PARD3B: variants seen among roughly 807,000 people sequenced by gnomAD.
The protein encoded by PARD3B is par-3 family cell polarity regulator beta.
A neutral mutation model predicts 130.2 loss-of-function variants in PARD3B; 103 were observed. The ratio of observed to expected loss-of-function variants is 0.79; its 90% CI spans 0.67 to 0.93. The LOEUF (loss-of-function observed/expected upper bound fraction) is 0.93. Ranked by LOEUF, PARD3B falls within the 40% of genes least tolerant of loss-of-function variation. The probability of loss-of-function intolerance (pLI) is 0.00; values close to 1 mark genes in which losing one functional copy is unlikely to be tolerated. For synonymous variants in PARD3B, 583 were observed against 553.2 expected (o/e 1.05, Z -0.76); for missense variants, 1,609 against 1,499.2 (o/e 1.07, Z -1.21).
intron 10 of PARD3B, among the ~76,000 whole-genome samples, chr2:205,149,568 A>G (rs2033604361): frequency 6.6e-6 from 1 of 152,226 alleles, no homozygotes; most frequent in African/African-American, 2.4e-5. Context: ...CTAAGTGTTC[A>G]GTCATGAACC....
At position 205,121,755 on chromosome 2, in the gene PARD3B, G is replaced by T. The variant is rs537626300; in HGVS notation, c.971G>T (p.Gly324Val). Residue 324 changes from glycine (G) to valine (V), a missense_variant, in exon 8 of 23, where the codon GGA becomes GTA. Physicochemically the swap from Gly to Val is moderately radical, Grantham distance 109. Coordinates refer to ENST00000406610, the MANE Select transcript of PARD3B (RefSeq NM_001302769.2). This position sits in a 1 kb window ranked among gnomAD's most constrained non-coding sequence, Gnocchi z 5.0. ...LKTKVPPPVH[G>V]KSGLKTANLT... ...ACCAAAGTGCCGCCTCCTGTCCATG[G>T]AAAATCGGGACTAAAGACAGCAAAT... 1 of 1,614,068 alleles carries T rather than the reference G, an allele frequency of 6.2e-7. No homozygotes were observed. The highest frequency in any genetic ancestry group is 2.2e-5 in the East Asian group (1 of 44,868).
chr2:205,085,153 A>T (rs893591264), intron 4 of PARD3B, among the ~76,000 whole-genome samples: 2 of 152,002 alleles, frequency 1.3e-5, no homozygotes, highest in Admixed American at 1.3e-4. Context: ...GGAATTTATT[A>T]TATCTTTCTC....
In PARD3B at chr2:204,664,082, C is replaced by T. The variant is rs1001588831; in HGVS notation, c.121-22099C>T. 4.6e-5 allele frequency among the ~76,000 whole-genome samples: 7 copies of T among 152,042 alleles called. No homozygotes were observed. The highest frequency in any genetic ancestry group is 8.8e-5 in the Non-Finnish European group (6 of 68,022). On this transcript the variant is annotated intron_variant, in intron 1 of 22. Transcript: ENST00000406610. The surrounding 1 kb of genome is among the most constrained non-coding windows in gnomAD (Gnocchi z 5.2). ...GGTGGGATTTTTATTTGATTTATGACCTGAGGCTAATACTGTGGCTTGGAT... is the reference window on the plus strand; with the variant it reads ...GGTGGGATTTTTATTTGATTTATGATCTGAGGCTAATACTGTGGCTTGGAT...
intron 3 of PARD3B, among the ~76,000 whole-genome samples, chr2:205,014,641 G>A (rs974630511): frequency 6.6e-6 from 1 of 152,134 alleles, no homozygotes; most frequent in Admixed American, 6.6e-5. Context: ...AGTATTTATT[G>A]AGCATCTCTT....
At chr2:204,786,153 G>A (rs924732386) in intron 2 of PARD3B, among the ~76,000 whole-genome samples, 16 of 149,388 alleles carry the variant, frequency 1.1e-4, no homozygotes, top group African/African-American at 1.2e-4. Flanking sequence ...TGAAACCAAC[G>A]AATCGCTATT....
chr2:205,025,421 C>T (rs987947368), intron 3 of PARD3B, among the ~76,000 whole-genome samples: 8 of 152,150 alleles, frequency 5.3e-5, no homozygotes, highest in African/African-American at 1.9e-4. Flanking sequence ...CTGAATGGCT[C>T]ACCACTAACA....
intron 20 of PARD3B, among the ~76,000 whole-genome samples, chr2:205,466,084 G>A (rs2048611696): frequency 6.6e-6 from 1 of 152,176 alleles, no homozygotes; most frequent in South Asian, 2.1e-4. Flanking sequence ...TTTGATGCCA[G>A]GGGTCTGGGA....
At chr2:205,259,714 C>A (rs1328027924) in intron 16 of PARD3B, among the ~76,000 whole-genome samples, 1 of 152,136 alleles carries the variant, frequency 6.6e-6, no homozygotes, top group Non-Finnish European at 1.5e-5. Flanking sequence ...ACTCTCTCAA[C>A]TGTATGTGTT....
intron 5 of PARD3B, among the ~76,000 whole-genome samples, chr2:205,108,962 T>C (rs1645535643): frequency 6.6e-6 from 1 of 152,164 alleles, no homozygotes; most frequent in Non-Finnish European, 1.5e-5. Flanking sequence ...GCCTCCCAAG[T>C]AATACCTTGC....
At chr2:205,499,084 C>T (rs1245151208) in intron 20 of PARD3B, among the ~76,000 whole-genome samples, 1 of 152,168 alleles carries the variant, frequency 6.6e-6, no homozygotes, top group Non-Finnish European at 1.5e-5. Context: ...CTGTTCAGAT[C>T]TGCCTGTCAT....
In PARD3B at chr2:205,301,083, G is replaced by A. The variant is rs1032441683; in HGVS notation, c.2392+347G>A. On this transcript the variant is annotated intron_variant, in intron 17 of 22. Coordinates refer to ENST00000406610, the MANE Select transcript of PARD3B (RefSeq NM_001302769.2). The surrounding 1 kb of genome is among the most constrained non-coding windows in gnomAD (Gnocchi z 5.2). ...GAGGCAGCATCAATCCAAGGACTCCGACTGCATTAATTGGGTAGAAGCAGT... is the reference window on the plus strand; with the variant it reads ...GAGGCAGCATCAATCCAAGGACTCCAACTGCATTAATTGGGTAGAAGCAGT... Among the ~76,000 whole-genome samples the A allele has an allele frequency of 1.3e-5, 2 of 152,292 alleles. No individual in the cohort carries two copies. The highest frequency in any genetic ancestry group is 2.4e-5 in the African/African-American group (1 of 41,568).
At chr2:205,017,867 GA>G (rs1186430198) in intron 3 of PARD3B, among the ~76,000 whole-genome samples, 2 of 152,168 alleles carry the variant, frequency 1.3e-5, no homozygotes, top group Non-Finnish European at 2.9e-5. Context: ...TGACAAGAGG[GA>G]AAAGATAAGT....
chr2:205,453,502 A>T (rs909813690), intron 20 of PARD3B, among the ~76,000 whole-genome samples: 28 of 152,332 alleles, frequency 1.8e-4, no homozygotes, highest in African/African-American at 6.5e-4. Flanking sequence ...TAGAAAGATG[A>T]CAGAAATCCT....
chr2:204,901,850 A>G (rs2046870595), intron 2 of PARD3B, among the ~76,000 whole-genome samples: 2 of 152,082 alleles, frequency 1.3e-5, no homozygotes, highest in Admixed American at 1.3e-4. Flanking sequence ...CCTTCAAGGC[A>G]GGTGGTTTCC....
intron 21 of PARD3B, among the ~76,000 whole-genome samples, chr2:205,532,833 C>G (rs1393627420): frequency 6.6e-6 from 1 of 152,154 alleles, no homozygotes; most frequent in Non-Finnish European, 1.5e-5. Flanking sequence ...GCATATGACA[C>G]CAGCCCCTTC....
chr2:204,649,204 T>C (rs1036113509), intron 1 of PARD3B, among the ~76,000 whole-genome samples: 23 of 150,836 alleles, frequency 1.5e-4, no homozygotes, highest in African/African-American at 5.6e-4. Flanking sequence ...CCAACACTTG[T>C]GTTGTCAAGT....
intron 2 of PARD3B, among the ~76,000 whole-genome samples, chr2:204,880,490 T>C (rs1277418881): frequency 6.6e-6 from 1 of 151,604 alleles, no homozygotes; most frequent in Admixed American, 6.6e-5. Context: ...TGTAACCCCA[T>C]CTCTACTAAA....
chr2:205,254,618 C>CT (rs2039990417), intron 16 of PARD3B, among the ~76,000 whole-genome samples: 1 of 151,852 alleles, frequency 6.6e-6, no homozygotes, highest in African/African-American at 2.4e-5. Flanking sequence ...TCTTTTGTTC[C>CT]TACATTGAGG....
chr2:204,809,943 A>C (rs2125520797), intron 2 of PARD3B, among the ~76,000 whole-genome samples: 1 of 152,078 alleles, frequency 6.6e-6, no homozygotes, highest in African/African-American at 2.4e-5. Context: ...CTTATTGTAG[A>C]GATCTTTCAC....
Sources: gnomAD v4.1 joint callset for allele counts (sites outside exome capture counted in the v4.1 genomes callset) on GRCh38, gnomAD v4.1.1 for gene constraint, Gnocchi (gnomAD v3.1) non-coding constraint, MANE v1.5 for transcripts, NCBI Gene and HGNC (gene_info 2026-07-23, HGNC 2026-07-21) for gene names.